The following CD226 variants were observed in gnomAD, a reference collection of about 807,000 sequenced individuals.
CD226 encodes the protein CD226 antigen.
In CD226, 24 loss-of-function variants were observed where a neutral mutation model predicts 34.9. The observed-to-expected ratio is 0.69, with a 90% CI of 0.50 to 0.97. The LOEUF is 0.97. Among genes scored for constraint, CD226 ranks in the 50% least tolerant of loss-of-function variants. The pLI is 0.00. For synonymous variants in CD226, 148 were observed against 147.4 expected, an observed-to-expected ratio of 1.00 and a Z score of -0.03; for missense variants, 397 against 412.7, an observed-to-expected ratio of 0.96 and a Z score of 0.33.
At chr18:69,923,846 T>A (rs926926681) in intron 2 of CD226, among the ~76,000 whole-genome samples, 10 of 150,272 alleles carry the variant, frequency 6.7e-5, no homozygotes, top group African/African-American at 2.4e-4. Flanking sequence ...CCCAGCTACT[T>A]GGGAGGCTGA....
At chr18:69,950,526 G>A (rs531744751), upstream of CD226, among the ~76,000 whole-genome samples, 7 of 152,268 alleles carry the variant, frequency 4.6e-5, no homozygotes, top group Middle Eastern at 3.4e-3. Context: ...GTTGGTGGTC[G>A]GGAAAGGCTC....
chr18:69,946,007 G>A (rs2055784719), intron 2 of CD226, among the ~76,000 whole-genome samples: 1 of 151,604 alleles, frequency 6.6e-6, no homozygotes, highest in East Asian at 1.9e-4. Flanking sequence ...CTCCCACCAG[G>A]TCCCTCCCAC....
At chr18:69,895,073 T>C (rs1985187805) in intron 3 of CD226, among the ~76,000 whole-genome samples, 1 of 152,184 alleles carries the variant, frequency 6.6e-6, no homozygotes, top group Non-Finnish European at 1.5e-5. Flanking sequence ...CAGTGGTTCT[T>C]ATAGTATGTT....
chr18:69,932,327 G>A (rs180769688), intron 2 of CD226, among the ~76,000 whole-genome samples: 25 of 152,202 alleles, frequency 1.6e-4, no homozygotes, highest in Non-Finnish European at 3.1e-4. Flanking sequence ...GACATGACAC[G>A]ACAATGTAAC....
At chr18:69,932,617 C>T (rs1011434767) in intron 2 of CD226, among the ~76,000 whole-genome samples, 1 of 152,194 alleles carries the variant, frequency 6.6e-6, no homozygotes, top group East Asian at 1.9e-4. Flanking sequence ...CCTCATTTTG[C>T]TTTTGCGCCA....
intron 2 of CD226, among the ~76,000 whole-genome samples, chr18:69,903,699 T>A (rs146924704): frequency 6.6e-6 from 1 of 151,764 alleles, no homozygotes; most frequent in East Asian, 1.9e-4. Flanking sequence ...AATGCAGAGA[T>A]TGGGTTGATG....
rs114421617 is a variant in CD226 at position 69,903,600 on chromosome 18, G to A, written c.383-7555C>T. The stretch of plus-strand genomic sequence containing the variant: ...TAACATGAAGTCATCCTGGAATAGG[G>A]TGGCCCCTAATCCAATATGACCGTG... On this transcript the variant is annotated intron_variant, in intron 2 of 5. Transcript: ENST00000582621. Among the ~76,000 whole-genome samples the A allele has an allele frequency of 7.1e-3, 1,073 of 152,142 alleles. 13 individuals are homozygous for A. Among genetic ancestry groups the A allele is most frequent in the African/African-American group, 0.025 (1,029 of 41,496 alleles).
At chr18:69,924,654 G>A (rs1467587711) in intron 2 of CD226, among the ~76,000 whole-genome samples, 3 of 91,996 alleles carry the variant, frequency 3.3e-5, no homozygotes, top group Non-Finnish European at 4.1e-5. Context: ...TGGCTGAACT[G>A]ACAAAGTCAA....
intron 2 of CD226, among the ~76,000 whole-genome samples, chr18:69,901,405 C>T (rs1038807446): frequency 6.6e-6 from 1 of 152,132 alleles, no homozygotes; most frequent in African/African-American, 2.4e-5. Flanking sequence ...GATGAGATGA[C>T]TTAATGGCTG....
chr18:69,900,118 A>G (rs760361324), intron 2 of CD226, among the ~76,000 whole-genome samples: 3 of 152,252 alleles, frequency 2.0e-5, no homozygotes, highest in Admixed American at 1.3e-4. Context: ...GAATGAGATC[A>G]TATGTTTTGT....
In CD226 at chr18:69,857,796, G is replaced by T. The variant is rs1982654423; in HGVS notation, c.*6518C>A. ...TGACCACAGGTAGAAGATTGGCTCTGCTTTCTTCCTGTAATAATATTGGTT... is the reference window on the plus strand; with the variant it reads ...TGACCACAGGTAGAAGATTGGCTCTTCTTTCTTCCTGTAATAATATTGGTT... On this transcript the variant is annotated 3_prime_UTR_variant, in exon 6 of 6. Transcript: ENST00000582621. 6.6e-6 allele frequency: 1 copy of T among 152,126 alleles called. No homozygotes were observed. Among genetic ancestry groups the T allele is most frequent in the Non-Finnish European group, 1.5e-5 (1 of 68,012 alleles). 9.4% of individuals were successfully genotyped at this position (152,126 alleles called of 1,614,324 possible). A position where few individuals can be genotyped will look rare whatever the true frequency, so the allele number is the denominator to read the frequency against.
chr18:69,872,057 G>GGGGTGTGTGT (rs1555677203), intron 4 of CD226, among the ~76,000 whole-genome samples: 19 of 143,534 alleles, frequency 1.3e-4, no homozygotes, highest in African/African-American at 2.9e-4. Flanking sequence ...ATTAACAAGG[G>GGGGTGTGTGT]GTGTGTGTGT....
At chr18:69,919,782 T>A (rs2055428961) in intron 2 of CD226, among the ~76,000 whole-genome samples, 1 of 152,082 alleles carries the variant, frequency 6.6e-6, no homozygotes, top group African/African-American at 2.4e-5. Context: ...AAACACCGAA[T>A]GAGGATTTTT....
intron 2 of CD226, among the ~76,000 whole-genome samples, chr18:69,912,010 T>C (rs1391956918): frequency 1.3e-5 from 2 of 152,210 alleles, no homozygotes; most frequent in African/African-American, 4.8e-5. Flanking sequence ...TTTCTTTCTT[T>C]TTTTATTATA....
chr18:69,886,142 G>A (rs1019960854), intron 3 of CD226, among the ~76,000 whole-genome samples: 8 of 152,134 alleles, frequency 5.3e-5, no homozygotes, highest in African/African-American at 7.2e-5. Context: ...CAGTCAGCCC[G>A]CATCTGAATC....
intron 4 of CD226, among the ~76,000 whole-genome samples, chr18:69,869,363 T>C (rs1425774539): frequency 6.6e-6 from 1 of 152,166 alleles, no homozygotes; most frequent in African/African-American, 2.4e-5. Context: ...GGGACACGGA[T>C]AGAGCTGGAG....
intron 2 of CD226, among the ~76,000 whole-genome samples, chr18:69,923,933 G>A (rs1239936363): frequency 2.7e-5 from 4 of 147,602 alleles, no homozygotes; most frequent in African/African-American, 7.6e-5. Context: ...CAGCCTGGGC[G>A]ACAGAGCGAG....
chr18:69,947,309 A>G, intron 1 of CD226, 52 bp downstream of exon 1: 1 of 1,265,590 alleles, frequency 7.9e-7, no homozygotes, highest in Non-Finnish European at 1.1e-6. Flanking sequence ...CACACTGTAC[A>G]AACAAAAACA....
chr18:69,857,808 T>TA lies in CD226; in HGVS notation c.*6505dup, dbSNP rs1184030036. 5 of 152,224 alleles carry TA rather than the reference T, an allele frequency of 3.3e-5. No homozygotes were observed. The highest frequency in any genetic ancestry group is 7.3e-5 in the Non-Finnish European group (5 of 68,036). 9.4% of individuals were successfully genotyped at this position (152,224 alleles called of 1,614,324 possible). A position where few individuals can be genotyped will look rare whatever the true frequency, so the allele number is the denominator to read the frequency against. ...GAAGATTGGCTCTGCTTTCTTCCTGTAATAATATTGGTTTCTATAGGTCAA... is the reference window on the plus strand; with the variant it reads ...GAAGATTGGCTCTGCTTTCTTCCTGTAAATAATATTGGTTTCTATAGGTCAA... On this transcript the variant is annotated 3_prime_UTR_variant, in exon 6 of 6. Coordinates refer to ENST00000582621, the MANE Select transcript of CD226 (RefSeq NM_001303618.2).
Sources: gnomAD v4.1 joint callset for allele counts (sites outside exome capture counted in the v4.1 genomes callset) on GRCh38, gnomAD v4.1.1 for gene constraint, MANE v1.5 for transcripts, NCBI Gene and HGNC (gene_info 2026-07-23, HGNC 2026-07-21) for gene names.